SMAD2: variants seen among roughly 807,000 people sequenced by gnomAD.
The protein encoded by SMAD2 is SMAD family member 2.
A neutral mutation model predicts 64.4 loss-of-function variants in SMAD2; 8 were observed. The observed-to-expected ratio is 0.12, with a 90% confidence interval of 0.07 to 0.22. SMAD2 has a LOEUF of 0.22. SMAD2 is among the 10% of genes least tolerant of loss of function. The probability of loss-of-function intolerance (pLI) is 1.00; values close to 1 mark genes in which losing one functional copy is unlikely to be tolerated. For synonymous variants in SMAD2, 203 were observed against 195.8 expected (o/e 1.04, Z -0.31); for missense variants, 289 against 561.2 (o/e 0.51, Z 4.90).
chr18:47,881,755 T>C (rs938137082), intron 2 of SMAD2, among the ~76,000 whole-genome samples: 1 of 152,232 alleles, frequency 6.6e-6, no homozygotes, highest in Non-Finnish European at 1.5e-5. Context: ...GTCTCTTTGT[T>C]TCTCATTTGC....
chr18:47,893,989 G>A (rs536395971), intron 2 of SMAD2, among the ~76,000 whole-genome samples: 1 of 152,158 alleles, frequency 6.6e-6, no homozygotes, highest in African/African-American at 2.4e-5. Flanking sequence ...TAATGATGAA[G>A]CAGCTCCAGA....
chr18:47,869,474 TAAA>T (rs34501809), intron 3 of SMAD2, 38 bp from the exon 4 acceptor site: 2,239 of 1,062,516 alleles, frequency 2.1e-3, no homozygotes, highest in African/African-American at 3.0e-3. Flanking sequence ...GAGGGAACTT[TAAA>T]AAAAAAAAAA....
At chr18:47,926,289 G>T (rs527984150) in intron 1 of SMAD2, among the ~76,000 whole-genome samples, 1 of 152,140 alleles carries the variant, frequency 6.6e-6, no homozygotes, top group Non-Finnish European at 1.5e-5. Flanking sequence ...AGTATATTAC[G>T]TAGATTATTG....
rs747636362 is a variant in SMAD2 at position 47,820,461 on chromosome 18, G to T, written c.*21366C>A. On this transcript the variant is annotated 3_prime_UTR_variant, in exon 11 of 11. Transcript: ENST00000262160. Reference sequence around the variant, plus strand: ...TTAAATTCAGAGTTTATTAGAGGTTGTTTCAAATATGGAAACAAGACAGAA... The same window carrying T: ...TTAAATTCAGAGTTTATTAGAGGTTTTTTCAAATATGGAAACAAGACAGAA... The T allele has an allele frequency of 3.9e-5, 6 of 152,144 alleles. No individual in the cohort carries two copies. Among genetic ancestry groups the T allele is most frequent in the Non-Finnish European group, 5.9e-5 (4 of 68,004 alleles). 9.4% of individuals were successfully genotyped at this position (152,144 alleles called of 1,614,324 possible).
At position 47,811,469 on chromosome 18, in the gene SMAD2, C is replaced by CAAA. The variant is rs397938257; in HGVS notation, c.*30355_*30357dup. 85 of 82,520 alleles carry CAAA rather than the reference C, an allele frequency of 1.0e-3. No individual in the cohort carries two copies. Among genetic ancestry groups the CAAA allele is most frequent in the African/African-American group, 1.4e-3 (26 of 18,976 alleles). The allele number at this position is 82,520 out of a possible 1,614,324, so 5.1% of individuals were successfully genotyped here. Reference sequence around the variant, plus strand: ...TGGGCGACAGAGCGAGACCTCGTCTCAAAAAAAAAAAAAAAAAAAAGAAAA... The same window carrying CAAA: ...TGGGCGACAGAGCGAGACCTCGTCTCAAAAAAAAAAAAAAAAAAAAAAAGAAAA... On this transcript the variant is annotated 3_prime_UTR_variant, in exon 11 of 11. Coordinates refer to ENST00000262160, the MANE Select transcript of SMAD2 (RefSeq NM_005901.6).
At chr18:47,925,665 A>G (rs796356792) in intron 1 of SMAD2, among the ~76,000 whole-genome samples, 4 of 152,342 alleles carry the variant, frequency 2.6e-5, no homozygotes, top group African/African-American at 9.6e-5. Flanking sequence ...GACAAGCAAT[A>G]AGCCTCTAAC....
intron 2 of SMAD2, among the ~76,000 whole-genome samples, chr18:47,896,144 G>A (rs1369115450): frequency 1.3e-5 from 2 of 152,214 alleles, no homozygotes; most frequent in Non-Finnish European, 2.9e-5. Context: ...TCATTAAAAA[G>A]TGAGCAGCCT....
At chr18:47,920,508 T>C (rs1238561176) in intron 1 of SMAD2, among the ~76,000 whole-genome samples, 2 of 152,218 alleles carry the variant, frequency 1.3e-5, no homozygotes, top group Non-Finnish European at 2.9e-5. Flanking sequence ...GCTATCATAC[T>C]GGACAGAGCA....
Position 47,831,152 on chromosome 18 carries a change from TA to T in SMAD2, c.*10674del, listed in dbSNP as rs1453493769. The T allele has an allele frequency of 5.9e-5, 9 of 152,234 alleles. No individual in the cohort carries two copies. The highest frequency in any genetic ancestry group is 2.2e-4 in the African/African-American group (9 of 41,464). 9.4% of individuals were successfully genotyped at this position (152,234 alleles called of 1,614,324 possible). A position where few individuals can be genotyped will look rare whatever the true frequency, so the allele number is the denominator to read the frequency against. ...CCTTGGCTTTTAACTCCAAGCTATC[TA>T]GGCCTTGTGATTATATGTGGGCTTC... On this transcript the variant is annotated 3_prime_UTR_variant, in exon 11 of 11. Coordinates refer to ENST00000262160, the MANE Select transcript of SMAD2 (RefSeq NM_005901.6).
At chr18:47,870,762 G>C (rs1434323252) in intron 2 of SMAD2, among the ~76,000 whole-genome samples, 198 bp from the exon 3 acceptor site, 1 of 152,128 alleles carries the variant, frequency 6.6e-6, no homozygotes, top group Non-Finnish European at 1.5e-5. Context: ...TGGAACATGT[G>C]ACTCCAGATA....
chr18:47,923,217 G>A (rs1261967091), intron 1 of SMAD2, among the ~76,000 whole-genome samples: 1 of 147,114 alleles, frequency 6.8e-6, no homozygotes, highest in Non-Finnish European at 1.5e-5. Flanking sequence ...CACTACACAG[G>A]CCCAGACTCA....
rs765979360 is a variant in SMAD2, at chr18:47,839,144, C to T, written c.*2683G>A. On this transcript the variant is annotated 3_prime_UTR_variant, in exon 11 of 11. Transcript: ENST00000262160. ...GAAGTAAACTGCTCAACAGGTATAA[C>T]TGCTCAATAGGTGTTTTCAAAGAGT... 7 of 233,226 alleles carry T rather than the reference C, an allele frequency of 3.0e-5. No individual in the cohort carries two copies. The highest frequency in any genetic ancestry group is 5.9e-5 in the Non-Finnish European group (7 of 118,062). The allele number at this position is 233,226 out of a possible 1,614,324, so 14.4% of individuals were successfully genotyped here. A position where few individuals can be genotyped will look rare whatever the true frequency, so the allele number is the denominator to read the frequency against.
At chr18:47,857,680 A>G (rs956812092) in intron 6 of SMAD2, among the ~76,000 whole-genome samples, 2 of 152,234 alleles carry the variant, frequency 1.3e-5, no homozygotes, top group African/African-American at 4.8e-5. Context: ...CACTACTGAC[A>G]GCATCTGCCA....
chr18:47,811,495 A>AG lies in SMAD2; in HGVS notation c.*30331dup, dbSNP rs1181978850. 1 of 151,886 alleles carries AG rather than the reference A, an allele frequency of 6.6e-6. No homozygotes were observed. Among genetic ancestry groups the AG allele is most frequent in the Non-Finnish European group, 1.5e-5 (1 of 68,064 alleles). The allele number at this position is 151,886 out of a possible 1,614,324, so 9.4% of individuals were successfully genotyped here. ...AAAAAAAAAAAAAAAAAAAAGAAAA[A>AG]GAAATAAGGTAATTCTGAAATCCAC... On this transcript the variant is annotated 3_prime_UTR_variant, in exon 11 of 11. Transcript: ENST00000262160.
At chr18:47,927,060 G>A (rs576017482) in intron 1 of SMAD2, among the ~76,000 whole-genome samples, 3 of 152,198 alleles carry the variant, frequency 2.0e-5, no homozygotes, top group South Asian at 2.1e-4. Flanking sequence ...CCTGGGTCTC[G>A]GTTTAACTAA....
intron 2 of SMAD2, among the ~76,000 whole-genome samples, chr18:47,894,819 G>A (rs1437755397): frequency 6.6e-6 from 1 of 152,156 alleles, no homozygotes; most frequent in African/African-American, 2.4e-5. Flanking sequence ...CACATAGTGG[G>A]CATATGATAA....
chr18:47,891,122 T>A (rs1209158297), intron 2 of SMAD2, among the ~76,000 whole-genome samples: 4 of 152,052 alleles, frequency 2.6e-5, no homozygotes, highest in African/African-American at 9.7e-5. Context: ...CTGACCAACA[T>A]GGAGAAACCC....
intron 2 of SMAD2, among the ~76,000 whole-genome samples, chr18:47,885,745 T>C (rs2032868359): frequency 6.6e-6 from 1 of 152,132 alleles, no homozygotes; most frequent in South Asian, 2.1e-4. Flanking sequence ...GCAGATCGCT[T>C]GAGCCCAGGA....
intron 2 of SMAD2, among the ~76,000 whole-genome samples, chr18:47,876,449 CT>C (rs1489087667): frequency 1.3e-5 from 2 of 152,008 alleles, no homozygotes; most frequent in African/African-American, 2.4e-5. Flanking sequence ...TCCCAAAGTT[CT>C]TTGCATGGAA....
Sources: gnomAD v4.1 joint callset for allele counts (sites outside exome capture counted in the v4.1 genomes callset) on GRCh38, gnomAD v4.1.1 for gene constraint, MANE v1.5 for transcripts, NCBI Gene and HGNC (gene_info 2026-07-23, HGNC 2026-07-21) for gene names.